Variants in LRRTM4 observed in about 807,000 individuals in gnomAD.
The protein encoded by LRRTM4 is leucine-rich repeat transmembrane neuronal protein 4.
LRRTM4 carries 25 observed loss-of-function variants against 47.6 expected under a neutral mutation model. That is an observed-to-expected ratio of 0.53 (90% CI 0.38 to 0.73). The LOEUF is 0.73. Among genes scored for constraint, LRRTM4 ranks in the 30% least tolerant of loss-of-function variants. The pLI, the probability that LRRTM4 is intolerant of heterozygous loss-of-function variation, is 0.00. For missense variants in LRRTM4, 638 were observed against 713.4 expected, an observed-to-expected ratio of 0.89 and a Z score of 1.20; for synonymous variants, 311 against 269.5, an observed-to-expected ratio of 1.15 and a Z score of -1.51.
At chr2:76,828,520 T>C (rs1172153635) in intron 3 of LRRTM4, among the ~76,000 whole-genome samples, 1 of 152,084 alleles carries the variant, frequency 6.6e-6, no homozygotes, top group East Asian at 1.9e-4. Flanking sequence ...GTTAGTGTAA[T>C]GCTGCCCTTT....
At chr2:76,918,148 C>G (rs1050344609) in intron 3 of LRRTM4, among the ~76,000 whole-genome samples, 1 of 152,054 alleles carries the variant, frequency 6.6e-6, no homozygotes, top group African/African-American at 2.4e-5. Flanking sequence ...AAATAAAGTA[C>G]CAAAAATTGT....
intron 3 of LRRTM4, among the ~76,000 whole-genome samples, chr2:77,394,763 C>T (rs1270919554): frequency 6.6e-6 from 1 of 151,868 alleles, no homozygotes. Flanking sequence ...AGTTAGGCCC[C>T]CTATGTCAAA....
intron 3 of LRRTM4, among the ~76,000 whole-genome samples, chr2:77,053,641 C>T (rs561389848): frequency 2.0e-5 from 3 of 152,140 alleles, no homozygotes; most frequent in African/African-American, 7.2e-5. Context: ...TCTGTAGCTG[C>T]TAGCCATTTC....
chr2:77,040,266 T>A (rs1678982145), intron 3 of LRRTM4, among the ~76,000 whole-genome samples: 1 of 151,372 alleles, frequency 6.6e-6, no homozygotes, highest in African/African-American at 2.4e-5. Flanking sequence ...CATATATATA[T>A]ATAAAATCAT....
At chr2:77,458,853 G>GA (rs758732846) in intron 3 of LRRTM4, among the ~76,000 whole-genome samples, 6 of 151,680 alleles carry the variant, frequency 4.0e-5, no homozygotes, top group Non-Finnish European at 7.4e-5. Flanking sequence ...AAATGAGGCA[G>GA]AAATTTTAAA....
At chr2:77,322,528 A>C (rs1381503651) in intron 3 of LRRTM4, among the ~76,000 whole-genome samples, 1 of 152,010 alleles carries the variant, frequency 6.6e-6, no homozygotes, top group Non-Finnish European at 1.5e-5. Context: ...GAACATTTCT[A>C]TATCCAATAA....
At chr2:76,995,159 G>A (rs915973141) in intron 3 of LRRTM4, among the ~76,000 whole-genome samples, 2 of 151,858 alleles carry the variant, frequency 1.3e-5, no homozygotes, top group African/African-American at 2.4e-5. Flanking sequence ...CAGAAAGAAA[G>A]GTAAGGAATA....
At chr2:77,310,471 C>T (rs1677420989) in intron 3 of LRRTM4, among the ~76,000 whole-genome samples, 1 of 152,118 alleles carries the variant, frequency 6.6e-6, no homozygotes, top group Non-Finnish European at 1.5e-5. Flanking sequence ...TAGACTAGAG[C>T]TTGCCAGCCT....
intron 3 of LRRTM4, among the ~76,000 whole-genome samples, chr2:76,823,761 A>T (rs1158188620): frequency 1.3e-3 from 191 of 151,576 alleles, no homozygotes; most frequent in Non-Finnish European, 2.6e-3. Flanking sequence ...TAAGTCTTCT[A>T]GATATCAAAA....
chr2:77,174,266 A>G (rs933815856), intron 3 of LRRTM4, among the ~76,000 whole-genome samples: 6 of 152,090 alleles, frequency 3.9e-5, no homozygotes, highest in Admixed American at 1.3e-4. Context: ...GTAGCCCCCA[A>G]ATAGACATAG....
chr2:77,108,759 A>G (rs1269674145), intron 3 of LRRTM4, among the ~76,000 whole-genome samples: 3 of 151,496 alleles, frequency 2.0e-5, no homozygotes, highest in African/African-American at 7.3e-5. Flanking sequence ...AATTTTTTGT[A>G]TTTTTAGTAG....
chr2:77,078,006 G>A (rs1177820879), intron 3 of LRRTM4, among the ~76,000 whole-genome samples: 1 of 152,154 alleles, frequency 6.6e-6, no homozygotes, highest in Non-Finnish European at 1.5e-5. Context: ...TTGAATCCCA[G>A]TTTTTCACTA....
chr2:76,812,791 T>TCCCC (rs1366507886), intron 3 of LRRTM4, among the ~76,000 whole-genome samples: 2 of 48,728 alleles, frequency 4.1e-5, no homozygotes, highest in African/African-American at 7.3e-5. Flanking sequence ...CTCCTCTCCC[T>TCCCC]CCCCCCCCTC....
At chr2:76,765,761 C>T (rs905937277) in intron 3 of LRRTM4, among the ~76,000 whole-genome samples, 1 of 152,120 alleles carries the variant, frequency 6.6e-6, no homozygotes, top group Non-Finnish European at 1.5e-5. Context: ...TTAAGCCAAC[C>T]CATCTGTGGT....
At chr2:77,001,456 G>T (rs911277473) in intron 3 of LRRTM4, among the ~76,000 whole-genome samples, 3 of 152,132 alleles carry the variant, frequency 2.0e-5, no homozygotes, top group African/African-American at 7.2e-5. Flanking sequence ...CCTAAGGCAA[G>T]TATGTGCATG....
intron 3 of LRRTM4, among the ~76,000 whole-genome samples, chr2:76,852,900 T>C (rs967188946): frequency 2.6e-5 from 4 of 152,150 alleles, no homozygotes; most frequent in South Asian, 2.1e-4. Flanking sequence ...TAGAAATTAA[T>C]TGAAAAGTGA....
At chr2:77,207,866 CTTTTTTT>C (rs754540782) in intron 3 of LRRTM4, among the ~76,000 whole-genome samples, 29 of 42,612 alleles carry the variant, frequency 6.8e-4, no homozygotes, top group East Asian at 1.7e-3. Context: ...GGGAAAGTGG[CTTTTTTT>C]TTTTTTTTTT....
chr2:77,302,744 A>T (rs1292752270), intron 3 of LRRTM4, among the ~76,000 whole-genome samples: 3 of 152,174 alleles, frequency 2.0e-5, no homozygotes, highest in African/African-American at 7.2e-5. Flanking sequence ...TGAGTGAAAC[A>T]TCCACACGTG....
At chr2:77,019,571 A>G (rs919950892) in intron 3 of LRRTM4, among the ~76,000 whole-genome samples, 1 of 152,140 alleles carries the variant, frequency 6.6e-6, no homozygotes, top group African/African-American at 2.4e-5. Context: ...TTAGCACAAT[A>G]CCTGGCACAC....
Sources: gnomAD v4.1 joint callset for allele counts (sites outside exome capture counted in the v4.1 genomes callset) on GRCh38, gnomAD v4.1.1 for gene constraint, MANE v1.5 for transcripts, NCBI Gene and HGNC (gene_info 2026-07-23, HGNC 2026-07-21) for gene names.